Variants in PPARG observed in about 807,000 individuals in gnomAD.
PPARG encodes the protein peroxisome proliferator-activated receptor gamma.
In PPARG, 17 loss-of-function variants were observed where a neutral mutation model predicts 39.2. The observed-to-expected ratio is 0.43, with a 90% CI of 0.30 to 0.65. The LOEUF is 0.65. Among genes scored for constraint, PPARG ranks in the 30% least tolerant of loss-of-function variants. The pLI is 0.13. For synonymous variants in PPARG, 223 were observed against 215.7 expected (o/e 1.03, Z -0.30); for missense variants, 406 against 585.9 (o/e 0.69, Z 3.17).
chr3:12,348,805 C>A (rs769668899), intron 2 of PPARG, among the ~76,000 whole-genome samples: 2 of 152,224 alleles, frequency 1.3e-5, no homozygotes, highest in Non-Finnish European at 2.9e-5. Context: ...AAAGTGCTGA[C>A]AACCCATTGG....
chr3:12,411,098 C>G (rs1340889733), intron 6 of PPARG, among the ~76,000 whole-genome samples: 1 of 152,154 alleles, frequency 6.6e-6, no homozygotes, highest in Admixed American at 6.6e-5. Flanking sequence ...ATTGCCAGGA[C>G]TGTCAGGAAT....
In PPARG at chr3:12,322,470, A is replaced by G. The variant is rs138341248; in HGVS notation, c.-9+10017A>G. Among the ~76,000 whole-genome samples, 135 of 152,358 alleles carry G rather than the reference A, an allele frequency of 8.9e-4. 1 individual carries two copies. Among genetic ancestry groups the G allele is most frequent in the African/African-American group, 3.2e-3 (132 of 41,588 alleles). ...GAATTAAATAATAGAGCCAGGCAATATCTGATTGAGGAAAAGCATGCAGTA... is the reference window on the plus strand; with the variant it reads ...GAATTAAATAATAGAGCCAGGCAATGTCTGATTGAGGAAAAGCATGCAGTA... On this transcript the variant is annotated intron_variant, in intron 2 of 7. Coordinates refer to ENST00000651735, the MANE Select transcript of PPARG (RefSeq NM_138711.6).
In PPARG at chr3:12,299,298, A is replaced by G. The variant is rs143699440; in HGVS notation, c.-83+10164A>G. Among the ~76,000 whole-genome samples the G allele has an allele frequency of 1.2e-3, 178 of 152,240 alleles. 1 individual carries two copies. Among genetic ancestry groups the G allele is most frequent in the African/African-American group, 3.6e-3 (151 of 41,546 alleles). On this transcript the variant is annotated intron_variant, in intron 1 of 7. Coordinates refer to ENST00000651735, the MANE Select transcript of PPARG (RefSeq NM_138711.6). ...CTAGATTTAACGAGAACATTTTTCA[A>G]TGGGAATGACGGTGACTAAGAGGGG...
intron 1 of PPARG, chr3:12,305,825 C>T (rs1405362850): frequency 1.3e-5 from 2 of 152,184 alleles, no homozygotes; most frequent in South Asian, 2.1e-4. Flanking sequence ...GCTTAGAGAA[C>T]GTTTTCTCTC....
chr3:12,410,870 A>G (rs1368387020), intron 6 of PPARG, among the ~76,000 whole-genome samples: 2 of 152,234 alleles, frequency 1.3e-5, no homozygotes. Context: ...TAAACAACGT[A>G]TGGGTTCTTT....
At chr3:12,384,997 A>G (rs980249018) in intron 4 of PPARG, among the ~76,000 whole-genome samples, 1 of 152,190 alleles carries the variant, frequency 6.6e-6, no homozygotes, top group Admixed American at 6.6e-5. Flanking sequence ...GCAGTTACTC[A>G]TTCTTTGCTA....
At chr3:12,388,148 A>G (rs977827944) in intron 4 of PPARG, among the ~76,000 whole-genome samples, 1 of 152,144 alleles carries the variant, frequency 6.6e-6, no homozygotes, top group Non-Finnish European at 1.5e-5. Flanking sequence ...ATACATTAGC[A>G]TTCTGTTCAT....
intron 5 of PPARG, among the ~76,000 whole-genome samples, chr3:12,393,582 T>A (rs1383241753): frequency 6.6e-6 from 1 of 152,184 alleles, no homozygotes; most frequent in African/African-American, 2.4e-5. Context: ...TAGTATTATA[T>A]GTGTCTAGTA....
intron 4 of PPARG, among the ~76,000 whole-genome samples, chr3:12,383,436 T>C (rs551546583): frequency 6.6e-5 from 10 of 152,306 alleles, no homozygotes; most frequent in Non-Finnish European, 1.3e-4. Context: ...TTTGTGGTTT[T>C]ATTGAGTTTT....
intron 2 of PPARG, among the ~76,000 whole-genome samples, chr3:12,326,181 C>G (rs187837318): frequency 6.6e-6 from 1 of 152,270 alleles, no homozygotes; most frequent in African/African-American, 2.4e-5. Context: ...TGCTACTCCA[C>G]CCCCTACCCC....
At chr3:12,327,998 A>G (rs1574997805) in intron 2 of PPARG, 2 of 864,264 alleles carry the variant, frequency 2.3e-6, no homozygotes, top group East Asian at 2.4e-5. Flanking sequence ...CTTAGAACCT[A>G]CTGTATAGTG....
chr3:12,358,576 A>G (rs2048739296), intron 2 of PPARG, among the ~76,000 whole-genome samples: 1 of 152,210 alleles, frequency 6.6e-6, no homozygotes, highest in East Asian at 1.9e-4. Flanking sequence ...TACTTTACCT[A>G]AAGCCCTGCC....
chr3:12,413,663 T>A (rs539778990), intron 6 of PPARG, among the ~76,000 whole-genome samples: 42 of 150,748 alleles, frequency 2.8e-4, no homozygotes, highest in African/African-American at 8.5e-4. Flanking sequence ...TAAAAAAATT[T>A]AAAAAAAATT....
rs2050120778 is a variant in PPARG at position 12,392,655 on chromosome 3, C to T, written c.432C>T (p.Asp144=). ...RRTIRLKLIY[D]RCDLNCRIHK... ...CAATCAGATTGAAGCTTATCTATGA[C>T]AGATGTGATCTTAACTGTCGGATCC... Residue 144 remains aspartate (D), a synonymous_variant, in exon 5 of 8, where the codon GAC becomes GAT. Coordinates refer to ENST00000651735, the MANE Select transcript of PPARG (RefSeq NM_138711.6). 2 of 1,613,912 alleles carry T rather than the reference C, an allele frequency of 1.2e-6. No homozygotes were observed. Among genetic ancestry groups the T allele is most frequent in the Admixed American group, 1.7e-5 (1 of 59,984 alleles).
intron 4 of PPARG, among the ~76,000 whole-genome samples, chr3:12,386,382 T>G (rs1447344730): frequency 6.6e-6 from 1 of 152,158 alleles, no homozygotes; most frequent in African/African-American, 2.4e-5. Flanking sequence ...AAGATTTTAT[T>G]TACATATACA....
intron 6 of PPARG, among the ~76,000 whole-genome samples, chr3:12,407,354 G>A (rs920501532): frequency 2.0e-5 from 3 of 152,100 alleles, no homozygotes; most frequent in African/African-American, 7.2e-5. Context: ...GTAGAGATGG[G>A]TTTTCACCAT....
chr3:12,296,247 T>G (rs1271833244), intron 1 of PPARG, among the ~76,000 whole-genome samples: 2 of 122,556 alleles, frequency 1.6e-5, no homozygotes, highest in Non-Finnish European at 3.4e-5. Flanking sequence ...AGAGCAACAC[T>G]TTGTCTCAAA....
chr3:12,362,328 G>A (rs560666723), intron 2 of PPARG, among the ~76,000 whole-genome samples: 2 of 152,052 alleles, frequency 1.3e-5, no homozygotes, highest in African/African-American at 4.8e-5. Context: ...GACCAGCCTG[G>A]CCAGCATAGT....
At position 12,406,315 on chromosome 3, in the gene PPARG, C is replaced by G. The variant is rs1797895; in HGVS notation, c.729+234C>G. The G allele has an allele frequency of 1, 550,406 of 550,590 alleles. 275,111 individuals are homozygous for G. Among genetic ancestry groups the G allele is most frequent in the Middle Eastern group, 1 (3,048 of 3,048 alleles). The allele number at this position is 550,590 out of a possible 1,614,324, so 34.1% of individuals were successfully genotyped here. On this transcript the variant is annotated intron_variant, in intron 6 of 7. Transcript: ENST00000651735. ...CATAAAGTTTTTGAGAATAGTGTAA[C>G]AATGTATTGGTCATCCTAACTTTAA...
Sources: allele counts gnomAD v4.1 joint callset (sites outside exome capture counted in the v4.1 genomes callset), GRCh38; gene constraint gnomAD v4.1.1; transcripts MANE v1.5; gene names NCBI Gene and HGNC (gene_info 2026-07-23, HGNC 2026-07-21).